Variants in SLC35F1 observed in about 807,000 individuals in gnomAD.
SLC35F1 encodes chromosome 6 open reading frame 169.
In SLC35F1, 14 loss-of-function variants were observed where a neutral mutation model predicts 48.7. The observed-to-expected ratio is 0.29, with a 90% CI of 0.19 to 0.45. The LOEUF is 0.45. Ranked by LOEUF, SLC35F1 falls within the 20% of genes least tolerant of loss-of-function variation. The pLI is 1.00. For synonymous variants in SLC35F1, 190 were observed against 202.2 expected (o/e 0.94, Z 0.51); for missense variants, 404 against 500.0 (o/e 0.81, Z 1.83).
At chr6:118,051,242 G>C (rs944922817) in intron 1 of SLC35F1, among the ~76,000 whole-genome samples, 10 of 151,988 alleles carry the variant, frequency 6.6e-5, no homozygotes, top group African/African-American at 2.4e-4. Context: ...TTATCTCTTA[G>C]AAACATGGTA....
At chr6:118,257,854 A>G (rs1361308490) in intron 3 of SLC35F1, among the ~76,000 whole-genome samples, 1 of 152,198 alleles carries the variant, frequency 6.6e-6, no homozygotes, top group Non-Finnish European at 1.5e-5. Context: ...TGGAAATGCT[A>G]TGGAGATTTC....
At chr6:117,927,475 G>C (rs1045610009) in intron 1 of SLC35F1, among the ~76,000 whole-genome samples, 6 of 152,154 alleles carry the variant, frequency 3.9e-5, no homozygotes, top group Admixed American at 6.6e-5. Context: ...CTAAGAGGAA[G>C]AGGAGGGAAG....
intron 1 of SLC35F1, among the ~76,000 whole-genome samples, chr6:118,009,797 G>T (rs924049464): frequency 3.3e-5 from 5 of 152,078 alleles, no homozygotes; most frequent in African/African-American, 1.2e-4. Flanking sequence ...TTTCTTAAAA[G>T]ATTTCTAGTT....
chr6:118,178,286 C>G (rs1282403352), intron 2 of SLC35F1, among the ~76,000 whole-genome samples: 1 of 152,084 alleles, frequency 6.6e-6, no homozygotes, highest in Non-Finnish European at 1.5e-5. Flanking sequence ...CCACACCTCT[C>G]TTGTTAGAGG....
chr6:118,070,524 G>T (rs931182843), intron 1 of SLC35F1, among the ~76,000 whole-genome samples: 1 of 151,970 alleles, frequency 6.6e-6, no homozygotes, highest in Non-Finnish European at 1.5e-5. Flanking sequence ...ACACACATAT[G>T]TATATAACGT....
rs559845121 is a variant in SLC35F1, at chr6:117,963,020, G to A, written c.173+55121G>A. 5.9e-5 allele frequency among the ~76,000 whole-genome samples: 9 copies of A among 152,166 alleles called. No individual in the cohort carries two copies. The East Asian group carries it at 9.7e-4, about 16-fold the overall frequency. ...GGTTTCCTTATGCTGTGGTGTGTTCGTAAACCCATTGGAGGGGAGGGGGAA... is the reference window on the plus strand; with the variant it reads ...GGTTTCCTTATGCTGTGGTGTGTTCATAAACCCATTGGAGGGGAGGGGGAA... On this transcript the variant is annotated intron_variant, in intron 1 of 7. Coordinates refer to ENST00000360388, the MANE Select transcript of SLC35F1 (RefSeq NM_001029858.4).
At chr6:118,041,563 ATAAG>A (rs1772221175) in intron 1 of SLC35F1, among the ~76,000 whole-genome samples, 2 of 152,210 alleles carry the variant, frequency 1.3e-5, no homozygotes, top group African/African-American at 2.4e-5. Flanking sequence ...AATCAAGTAA[ATAAG>A]TAAGTAAACA....
At chr6:118,276,348 TC>T (rs1158845316) in intron 5 of SLC35F1, among the ~76,000 whole-genome samples, 3 of 152,244 alleles carry the variant, frequency 2.0e-5, no homozygotes, top group Non-Finnish European at 2.9e-5. Context: ...TTTTACTGAA[TC>T]CCTTTCTACA....
chr6:118,085,437 A>C (rs2114330107), intron 1 of SLC35F1, among the ~76,000 whole-genome samples: 1 of 148,876 alleles, frequency 6.7e-6, no homozygotes, highest in African/African-American at 2.5e-5. Context: ...AGATTTTGCT[A>C]ATTGTGTAAT....
At chr6:118,080,805 C>T (rs1772896610) in intron 1 of SLC35F1, among the ~76,000 whole-genome samples, 1 of 152,210 alleles carries the variant, frequency 6.6e-6, no homozygotes, top group African/African-American at 2.4e-5. Context: ...TCCTGTGCAG[C>T]ATTTCCAATG....
At chr6:117,937,564 A>G (rs1296403755) in intron 1 of SLC35F1, among the ~76,000 whole-genome samples, 2 of 152,244 alleles carry the variant, frequency 1.3e-5, no homozygotes, top group African/African-American at 4.8e-5. Context: ...TTGAATAAAC[A>G]GATAATAAAT....
At chr6:118,256,917 G>A (rs994533242) in intron 3 of SLC35F1, among the ~76,000 whole-genome samples, 1 of 152,080 alleles carries the variant, frequency 6.6e-6, no homozygotes, top group Non-Finnish European at 1.5e-5. Flanking sequence ...CCCATTCAAA[G>A]ATAACCATTG....
chr6:118,073,290 A>G (rs1772766667), intron 1 of SLC35F1, among the ~76,000 whole-genome samples: 1 of 152,150 alleles, frequency 6.6e-6, no homozygotes, highest in Non-Finnish European at 1.5e-5. Context: ...TGGTGTTGGG[A>G]CAGCATAGAT....
intron 1 of SLC35F1, among the ~76,000 whole-genome samples, chr6:118,119,501 C>CCCCCA (rs1562295694): frequency 9.4e-6 from 1 of 106,922 alleles, no homozygotes; most frequent in East Asian, 3.1e-4. Flanking sequence ...GGCGCCCCCC[C>CCCCCA]TCCACCCCGC....
intron 1 of SLC35F1, among the ~76,000 whole-genome samples, chr6:117,974,933 ATACT>A (rs1291521909): frequency 6.6e-6 from 1 of 152,232 alleles, no homozygotes; most frequent in African/African-American, 2.4e-5. Flanking sequence ...CTTGCATTGT[ATACT>A]TGTAGGAGAA....
chr6:117,937,403 T>G (rs1449796423), intron 1 of SLC35F1, among the ~76,000 whole-genome samples: 1 of 152,212 alleles, frequency 6.6e-6, no homozygotes, highest in Non-Finnish European at 1.5e-5. Context: ...CATGTTAGAA[T>G]GAATAACTAT....
At chr6:118,146,077 A>G (rs2114452181) in intron 1 of SLC35F1, among the ~76,000 whole-genome samples, 1 of 152,304 alleles carries the variant, frequency 6.6e-6, no homozygotes, top group East Asian at 1.9e-4. Flanking sequence ...ATGAAAGTAC[A>G]GATGCATCCA....
At chr6:118,255,535 T>C (rs908429133) in intron 3 of SLC35F1, among the ~76,000 whole-genome samples, 3 of 152,192 alleles carry the variant, frequency 2.0e-5, no homozygotes, top group Non-Finnish European at 1.5e-5. Context: ...TATGTTCCGG[T>C]CACCTAGATT....
intron 1 of SLC35F1, among the ~76,000 whole-genome samples, chr6:118,004,496 C>T (rs1777148333): frequency 6.6e-6 from 1 of 152,254 alleles, no homozygotes; most frequent in African/African-American, 2.4e-5. Context: ...AGATTCTGTC[C>T]TACCATCACC....
Sources: allele counts gnomAD v4.1 joint callset (sites outside exome capture counted in the v4.1 genomes callset), GRCh38; gene constraint gnomAD v4.1.1; transcripts MANE v1.5; gene names NCBI Gene and HGNC (gene_info 2026-07-23, HGNC 2026-07-21).